The following SCN9A variants were observed in gnomAD, a reference collection of about 807,000 sequenced individuals.
The protein encoded by SCN9A is sodium voltage-gated channel alpha subunit 9, also known as sodium channel protein type 9 subunit alpha.
In SCN9A, 131 loss-of-function variants were observed where a neutral mutation model predicts 187.0. The ratio of observed to expected loss-of-function variants is 0.70; its 90% CI spans 0.61 to 0.81. The LOEUF is 0.81. SCN9A is among the 30% of genes least tolerant of loss of function. The pLI is 0.00. For missense variants in SCN9A, 2,252 were observed against 2,396.6 expected, an observed-to-expected ratio of 0.94 and a Z score of 1.26; for synonymous variants, 809 against 808.6, an observed-to-expected ratio of 1.00 and a Z score of -0.01.
At chr2:166,344,480 A>G (rs1699856401) in intron 1 of SCN9A, among the ~76,000 whole-genome samples, 2 of 152,182 alleles carry the variant, frequency 1.3e-5, no homozygotes, top group African/African-American at 2.4e-5. Flanking sequence ...ATTCGCTTAG[A>G]AAATAGTCCT....
chr2:166,269,585 A>G (rs952821179), intron 17 of SCN9A, among the ~76,000 whole-genome samples: 1 of 152,076 alleles, frequency 6.6e-6, no homozygotes, highest in Admixed American at 6.6e-5. Context: ...CTAGCTTTAT[A>G]ACTGTGAATA....
intron 26 of SCN9A, among the ~76,000 whole-genome samples, chr2:166,201,623 CGTATACTATATATATAGTATAGAGTATGT>C (rs1558942851): frequency 4.5e-5 from 4 of 88,384 alleles, no homozygotes; most frequent in East Asian, 6.0e-4. Context: ...ATAGAGTATG[CGTATACTATATATATAGTATAGAGTATGT>C]ATATATATAG....
chr2:166,201,010 T>C (rs1023698809), intron 26 of SCN9A, among the ~76,000 whole-genome samples: 7 of 152,152 alleles, frequency 4.6e-5, no homozygotes, highest in Non-Finnish European at 7.4e-5. Context: ...TTTATTATAG[T>C]GGTATAATGT....
intron 19 of SCN9A, among the ~76,000 whole-genome samples, chr2:166,241,351 C>T (rs1294365597): frequency 6.6e-6 from 1 of 152,056 alleles, no homozygotes; most frequent in Non-Finnish European, 1.5e-5. Flanking sequence ...AGATCTCTTT[C>T]AACTCTCATG....
At chr2:166,249,883 T>C (rs943383750) in intron 18 of SCN9A, among the ~76,000 whole-genome samples, 4 of 152,112 alleles carry the variant, frequency 2.6e-5, no homozygotes, top group Non-Finnish European at 5.9e-5. Flanking sequence ...ATAAAATGAA[T>C]AGGGAAAATC....
Position 166,228,817 on chromosome 2 carries a change from A to G in SCN9A, c.4080T>C (p.Pro1360=). Reference sequence around the variant, plus strand: ...CGGAACGATTTGGAACTTGACTTGCAGGAAACCGTGACCCATCTGTGGTGT... The same window carrying G: ...CGGAACGATTTGGAACTTGACTTGCGGGAAACCGTGACCCATCTGTGGTGT... ...CINTTDGSRF[P]ASQVPNRSEC... The change falls in exon 22 of 27, where the codon CCT becomes CCC. Residue 1360 remains proline (P), a synonymous_variant. Transcript: ENST00000642356. 2 of 1,613,944 alleles carry G rather than the reference A, an allele frequency of 1.2e-6. No homozygotes were observed. The highest frequency in any genetic ancestry group is 1.7e-6 in the Non-Finnish European group (2 of 1,179,860).
intron 1 of SCN9A, among the ~76,000 whole-genome samples, chr2:166,318,720 T>C (rs1699168590): frequency 6.6e-6 from 1 of 152,148 alleles, no homozygotes; most frequent in East Asian, 1.9e-4. Flanking sequence ...AAAGGGGCAC[T>C]TTACCAGAAT....
chr2:166,238,298 G>T, intron 19 of SCN9A, 31 bp from the exon 20 acceptor site: 1 of 1,376,466 alleles, frequency 7.3e-7, no homozygotes, highest in Non-Finnish European at 1.0e-6. Flanking sequence ...TTTCAATCAT[G>T]CACAACTTAA....
intron 20 of SCN9A, among the ~76,000 whole-genome samples, chr2:166,235,348 G>GAA (rs1695268820): frequency 3.9e-5 from 6 of 151,946 alleles, no homozygotes; most frequent in Admixed American, 3.9e-4. Context: ...AAACACACAC[G>GAA]TATATATACA....
chr2:166,298,713 T>G (rs907630259), intron 7 of SCN9A: 1 of 152,226 alleles, frequency 6.6e-6, no homozygotes, highest in African/African-American at 2.4e-5. Flanking sequence ...GCATTCATTA[T>G]CATCAGTGCC....
At chr2:166,304,471 C>T in intron 5 of SCN9A, 142 bp from the exon 6 acceptor site, 4 of 657,280 alleles carry the variant, frequency 6.1e-6, no homozygotes, top group Admixed American at 5.9e-5. Context: ...TCATAACTAA[C>T]TTAATTTAAT....
rs367794835 is a variant in SCN9A, at chr2:166,251,789, C to T, written c.3448G>A (p.Glu1150Lys). 189 of 1,612,486 alleles carry T rather than the reference C, an allele frequency of 1.2e-4. No homozygotes were observed. The highest frequency in any genetic ancestry group is 1.6e-4 in the Non-Finnish European group (187 of 1,179,060). The change falls in exon 18 of 27, where the codon GAG becomes AAG. Residue 1150 changes from glutamate (E) to lysine (K), a missense_variant. Physicochemically the swap from Glu to Lys is moderately conservative, Grantham distance 56. Coordinates refer to ENST00000642356, the MANE Select transcript of SCN9A (RefSeq NM_001365536.1). Reference protein sequence around the residue: ...EAEAEPMNSDEPEACFTDGCV... With the variant: ...EAEAEPMNSDKPEACFTDGCV... ...CCATCTGTGAAACAGGCCTCTGGCT[C>T]ATCGGAATTCATAGGTTCAGCCTCT... is the stretch of plus-strand genomic sequence containing the variant.
intron 20 of SCN9A, among the ~76,000 whole-genome samples, 196 bp downstream of exon 20, chr2:166,237,898 C>T (rs76881086): frequency 0.021 from 3,150 of 152,162 alleles, 120 homozygotes; most frequent in African/African-American, 0.072. Context: ...ATTTGTTGAA[C>T]GATTTCTGTT....
intron 5 of SCN9A, among the ~76,000 whole-genome samples, chr2:166,305,129 A>C: frequency 6.6e-6 from 1 of 152,082 alleles, no homozygotes; most frequent in East Asian, 1.9e-4. Context: ...GGCTCCAGTG[A>C]ACCTGGATTA....
chr2:166,210,649 A>G (rs1694048367), intron 24 of SCN9A, among the ~76,000 whole-genome samples: 1 of 149,808 alleles, frequency 6.7e-6, no homozygotes, highest in African/African-American at 2.5e-5. Context: ...GAAATCACAG[A>G]GAAGACAGAA....
chr2:166,308,915 G>A (rs1454489123), intron 2 of SCN9A, among the ~76,000 whole-genome samples: 2 of 101,198 alleles, frequency 2.0e-5, no homozygotes, highest in Non-Finnish European at 3.6e-5. Flanking sequence ...AACAGAGGGA[G>A]ACTCTGTCTC....
chr2:166,369,069 T>G (rs1297987579), intron 1 of SCN9A, among the ~76,000 whole-genome samples: 1 of 152,008 alleles, frequency 6.6e-6, no homozygotes, highest in Non-Finnish European at 1.5e-5. Flanking sequence ...CATCTACTCA[T>G]ATCTACTTAT....
chr2:166,276,176 G>A (rs1349474415), intron 16 of SCN9A, among the ~76,000 whole-genome samples: 2 of 152,000 alleles, frequency 1.3e-5, no homozygotes, highest in African/African-American at 4.8e-5. Flanking sequence ...TAAAAAAAAA[G>A]TACAAGCCAA....
chr2:166,343,618 G>T (rs559871284), intron 1 of SCN9A, among the ~76,000 whole-genome samples: 1 of 152,022 alleles, frequency 6.6e-6, no homozygotes, highest in African/African-American at 2.4e-5. Context: ...AAAGTGGAAG[G>T]CCAGGTGTGA....
Sources: allele counts gnomAD v4.1 joint callset (sites outside exome capture counted in the v4.1 genomes callset), GRCh38; gene constraint gnomAD v4.1.1; transcripts MANE v1.5; gene names NCBI Gene and HGNC (gene_info 2026-07-23, HGNC 2026-07-21).